The following CFAP251 variants were observed in gnomAD, a reference collection of about 807,000 sequenced individuals.
The protein encoded by CFAP251 is cilia and flagella associated protein 251.
A neutral mutation model predicts 126.7 loss-of-function variants in CFAP251; 93 were observed. The ratio of observed to expected loss-of-function variants is 0.73; its 90% CI spans 0.62 to 0.87. The LOEUF (loss-of-function observed/expected upper bound fraction) is 0.87. Among genes scored for constraint, CFAP251 ranks in the 40% least tolerant of loss-of-function variants. The pLI is 0.00. For missense variants in CFAP251, 1,287 were observed against 1,389.2 expected (o/e 0.93, Z 1.17); for synonymous variants, 503 against 506.9 (o/e 0.99, Z 0.10).
chr12:121,992,505 C>G (rs1329853261), intron 19 of CFAP251: 6 of 985,000 alleles, frequency 6.1e-6, no homozygotes, highest in Non-Finnish European at 7.2e-6. Flanking sequence ...GTCTTAGTCT[C>G]CTGTTCTGAA....
chr12:121,997,401 CAAAAAAAAAA>C (rs552094384), intron 19 of CFAP251: 1 of 101,180 alleles, frequency 9.9e-6, no homozygotes, highest in African/African-American at 3.9e-5. Context: ...CATCATCTCT[CAAAAAAAAAA>C]AAAAAAAAAA....
rs148856939 is a variant in CFAP251, at chr12:121,923,672, A to G, written c.429A>G (p.Ala143=). 29 of 1,614,086 alleles carry G rather than the reference A, an allele frequency of 1.8e-5. No homozygotes were observed. The highest frequency in any genetic ancestry group is 2.5e-5 in the Non-Finnish European group (29 of 1,180,012). Residue 143 remains alanine (A), a synonymous_variant, in exon 3 of 22, where the codon GCA becomes GCG. Coordinates refer to ENST00000288912, the MANE Select transcript of CFAP251 (RefSeq NM_144668.6). Reference sequence around the variant, plus strand: ...AGCTTTCCTTACAATTGGAGGATGCAGAAACAGATGAGCTTTTAAGAGACC... The same window carrying G: ...AGCTTTCCTTACAATTGGAGGATGCGGAAACAGATGAGCTTTTAAGAGACC... ...KSKLSLQLED[A]ETDELLRDLS... is the part of the protein sequence containing the mutation.
chr12:121,936,607 C>T (rs35252940), intron 5 of CFAP251, among the ~76,000 whole-genome samples: 1 of 151,824 alleles, frequency 6.6e-6, no homozygotes, highest in South Asian at 2.1e-4. Flanking sequence ...AAGCAGGAGG[C>T]AGTCTTATCT....
intron 2 of CFAP251, among the ~76,000 whole-genome samples, 182 bp downstream of exon 2, chr12:121,921,865 G>T (rs984535511): frequency 2.0e-5 from 3 of 148,642 alleles, no homozygotes; most frequent in African/African-American, 7.5e-5. Context: ...TCAGCCTGCT[G>T]CAACCTCCGC....
chr12:121,934,409 C>A, intron 5 of CFAP251, 53 bp downstream of exon 5: 2 of 1,354,220 alleles, frequency 1.5e-6, no homozygotes, highest in Non-Finnish European at 2.1e-6. Context: ...AGAGTATCTG[C>A]CACTGTGTGA....
At chr12:121,934,964 A>G (rs761510100) in intron 5 of CFAP251, among the ~76,000 whole-genome samples, 25 of 152,110 alleles carry the variant, frequency 1.6e-4, no homozygotes, top group Non-Finnish European at 3.2e-4. Context: ...ATGCAACCAC[A>G]CCTGGCTAAC....
chr12:121,954,156 A>G lies in CFAP251; in HGVS notation c.1357A>G (p.Ile453Val), dbSNP rs745923637. The change falls in exon 10 of 22, where the codon ATC becomes GTC. Residue 453 changes from isoleucine to valine, a missense_variant. Ile to Val is a conservative substitution (Grantham distance 29). Transcript: ENST00000288912. The part of the protein sequence containing the change: ...NKLVGKFSQS[I>V]FHLNLTQILS... ...GCTTGTGGGAAAGTTTAGCCAGTCC[A>G]TCTTTCACTTGAATTTAACACAAAT... 6.8e-6 allele frequency: 11 copies of G among 1,614,058 alleles called. No homozygotes were observed. In the Admixed American group the frequency reaches 1.0e-4, roughly 15 times the overall value.
chr12:121,975,310 T>G lies in CFAP251; in HGVS notation c.2838T>G (p.Gly946=). The change falls in exon 18 of 22, where the codon GGT becomes GGG. Residue 946 remains glycine (G), a synonymous_variant. Transcript: ENST00000288912. The stretch of plus-strand genomic sequence containing the variant: ...CCCCATTCTATGGTCTGCTGTCTGG[T>G]GGCCGGGAAGGAAAATTCTACAGGG... ...DLTPFYGLLS[G]GREGKFYREL... is the part of the protein sequence containing the mutation. 6.2e-7 allele frequency: 1 copy of G among 1,614,176 alleles called. No individual in the cohort carries two copies. Among genetic ancestry groups the G allele is most frequent in the Non-Finnish European group, 8.5e-7 (1 of 1,180,028 alleles).
At position 121,975,597 on chromosome 12, in the gene CFAP251, T is replaced by C. The variant is rs1388583216; in HGVS notation, c.2918T>C (p.Met973Thr). The C allele has an allele frequency of 1.2e-6, 2 of 1,606,344 alleles. No individual in the cohort carries two copies. The highest frequency in any genetic ancestry group is 1.3e-5 in the African/African-American group (1 of 74,378). The change falls in exon 19 of 22, where the codon ATG becomes ACG. Residue 973 changes from methionine to threonine, a missense_variant. Met to Thr is a moderately conservative substitution (Grantham distance 81, BLOSUM62 -1). Coordinates refer to ENST00000288912, the MANE Select transcript of CFAP251 (RefSeq NM_144668.6). Reference sequence around the variant, plus strand: ...CTCCGCAGTCAAGGCATCGACACAATGGAGACCAGAAAGGTGTCAGAACAC... The same window carrying C: ...CTCCGCAGTCAAGGCATCGACACAACGGAGACCAGAAAGGTGTCAGAACAC... ...SQLRSQGIDT[M>T]ETRKVSEHIC...
At chr12:121,975,113 A>C in intron 17 of CFAP251, 131 bp from the exon 18 acceptor site, 1 of 681,250 alleles carries the variant, frequency 1.5e-6, no homozygotes, top group South Asian at 1.9e-5. Flanking sequence ...TTTCTTAACA[A>C]GTGTGTAGAG....
intron 21 of CFAP251, 123 bp from the exon 22 acceptor site, chr12:122,003,529 T>C: frequency 1.5e-6 from 1 of 666,510 alleles, no homozygotes; most frequent in Non-Finnish European, 2.6e-6. Flanking sequence ...GCTATGATCG[T>C]GTCACTGCAC....
intron 17 of CFAP251, chr12:121,969,692 AG>A (rs1426766136): frequency 1.1e-6 from 1 of 934,146 alleles, no homozygotes; most frequent in East Asian, 1.2e-4. Flanking sequence ...AGTCACACCA[AG>A]CCTAGGCTGG....
At chr12:121,926,489 G>A (rs1412294665) in intron 3 of CFAP251, among the ~76,000 whole-genome samples, 5 of 151,918 alleles carry the variant, frequency 3.3e-5, no homozygotes, top group African/African-American at 1.2e-4. Flanking sequence ...ACCACACCCA[G>A]CTAATTTTAA....
chr12:121,975,370 T>G, intron 18 of CFAP251, 36 bp downstream of exon 18: 1 of 1,599,738 alleles, frequency 6.3e-7, no homozygotes, highest in Non-Finnish European at 8.6e-7. Flanking sequence ...CCTGGTAACA[T>G]CTAGTTAAGT....
chr12:121,960,268 G>A (rs1194544416), intron 13 of CFAP251, among the ~76,000 whole-genome samples: 1 of 151,776 alleles, frequency 6.6e-6, no homozygotes, highest in African/African-American at 2.4e-5. Context: ...CTGTTGTACA[G>A]GCTGAAGTGC....
intron 16 of CFAP251, 75 bp downstream of exon 16, chr12:121,967,144 G>T (rs934619138): frequency 7.3e-6 from 10 of 1,360,900 alleles, no homozygotes; most frequent in Admixed American, 1.8e-5. Flanking sequence ...TGAAGATCAC[G>T]AGACTCAGAG....
In CFAP251 at chr12:121,974,862, C is replaced by G. The variant is rs562327755; in HGVS notation, c.2772-382C>G. Among the ~76,000 whole-genome samples, 1 of 152,238 alleles carries G rather than the reference C, an allele frequency of 6.6e-6. No homozygotes were observed. Among genetic ancestry groups the G allele is most frequent in the African/African-American group, 2.4e-5 (1 of 41,528 alleles). On this transcript the variant is annotated intron_variant, in intron 17 of 21. Transcript: ENST00000288912. This position sits in a 1 kb window ranked among gnomAD's most constrained non-coding sequence, Gnocchi z 4.6. ...AATATCCCATTCTTTTGACTCTGAT[C>G]GTTCGTGGATCTAAAGTTACGGGTA... is the stretch of plus-strand genomic sequence containing the variant.
chr12:121,935,809 C>T (rs944050201), intron 5 of CFAP251, among the ~76,000 whole-genome samples: 2 of 152,174 alleles, frequency 1.3e-5, no homozygotes, highest in African/African-American at 4.8e-5. Flanking sequence ...TCCGGAAGGC[C>T]GGGGTTGTGT....
At chr12:121,976,159 C>A (rs560010124) in intron 19 of CFAP251, among the ~76,000 whole-genome samples, 5 of 152,192 alleles carry the variant, frequency 3.3e-5, no homozygotes, top group Middle Eastern at 6.8e-3. Flanking sequence ...CAGACACCCA[C>A]CACCACGCCC....
Sources: allele counts gnomAD v4.1 joint callset (sites outside exome capture counted in the v4.1 genomes callset), GRCh38; gene constraint gnomAD v4.1.1; non-coding constraint Gnocchi (gnomAD v3.1); transcripts MANE v1.5; gene names NCBI Gene and HGNC (gene_info 2026-07-23, HGNC 2026-07-21).